Variants in EYS observed in about 807,000 individuals in gnomAD.
EYS encodes the protein EGF-like photoreceptor maintenance factor.
A neutral mutation model predicts 282.1 loss-of-function variants in EYS; 250 were observed. The observed-to-expected ratio is 0.89, with a 90% CI of 0.80 to 0.98. EYS has a LOEUF of 0.98. Among genes scored for constraint, EYS ranks in the 50% least tolerant of loss-of-function variants. The pLI, the probability that EYS is intolerant of heterozygous loss-of-function variation, is 0.00. For synonymous variants in EYS, 1,355 were observed against 1,282.9 expected (o/e 1.06, Z -1.20); for missense variants, 4,016 against 3,709.0 (o/e 1.08, Z -2.15).
chr6:65,065,026 A>C (rs1773702335), intron 12 of EYS, among the ~76,000 whole-genome samples: 1 of 152,108 alleles, frequency 6.6e-6, no homozygotes. Context: ...GGCTGACTTG[A>C]GATCTGATTC....
intron 5 of EYS, among the ~76,000 whole-genome samples, chr6:65,420,458 C>T (rs1767413078): frequency 6.6e-6 from 1 of 151,948 alleles, no homozygotes; most frequent in Non-Finnish European, 1.5e-5. Flanking sequence ...AGTGTTCTTG[C>T]TATTTCCACT....
At chr6:63,869,636 T>C (rs1435888225) in intron 35 of EYS, among the ~76,000 whole-genome samples, 1 of 152,148 alleles carries the variant, frequency 6.6e-6, no homozygotes, top group African/African-American at 2.4e-5. Flanking sequence ...ATACATTAAA[T>C]GAGGTATGTG....
chr6:63,945,421 G>T (rs968070897), intron 35 of EYS, among the ~76,000 whole-genome samples: 12 of 152,090 alleles, frequency 7.9e-5, no homozygotes, highest in Admixed American at 2.6e-4. Context: ...CATTCAAGAT[G>T]AGAATTGGGT....
intron 30 of EYS, among the ~76,000 whole-genome samples, chr6:64,255,518 C>A (rs948934141): frequency 5.3e-5 from 8 of 151,944 alleles, no homozygotes; most frequent in Non-Finnish European, 8.8e-5. Flanking sequence ...TTATTTTTGA[C>A]AAACTGTGCC....
chr6:65,469,870 C>T (rs1765144722), intron 5 of EYS, among the ~76,000 whole-genome samples: 1 of 152,090 alleles, frequency 6.6e-6, no homozygotes, highest in South Asian at 2.1e-4. Context: ...AAGTCCCTAG[C>T]TTTAGCCTAA....
intron 2 of EYS, among the ~76,000 whole-genome samples, chr6:65,586,409 A>C (rs577726437): frequency 6.6e-6 from 1 of 152,082 alleles, no homozygotes; most frequent in Non-Finnish European, 1.5e-5. Context: ...AGGGGCAACT[A>C]TTGAGATGCT....
chr6:64,606,401 C>T (rs1320549569), intron 24 of EYS, among the ~76,000 whole-genome samples: 1 of 151,872 alleles, frequency 6.6e-6, no homozygotes, highest in East Asian at 1.9e-4. Context: ...TTTATTTTGC[C>T]ATCCATAGCA....
At chr6:65,338,445 A>C (rs1286103253) in intron 10 of EYS, among the ~76,000 whole-genome samples, 1 of 151,186 alleles carries the variant, frequency 6.6e-6, no homozygotes, top group Non-Finnish European at 1.5e-5. Flanking sequence ...TAAAAATTTT[A>C]TACAAAAAAT....
chr6:63,773,785 A>G (rs1769992818), intron 40 of EYS, among the ~76,000 whole-genome samples: 1 of 152,168 alleles, frequency 6.6e-6, no homozygotes, highest in Admixed American at 6.5e-5. Context: ...AAAAGAAGAC[A>G]GTCTGAGCAA....
intron 22 of EYS, among the ~76,000 whole-genome samples, chr6:64,764,399 T>A (rs1404844006): frequency 6.6e-6 from 1 of 152,236 alleles, no homozygotes; most frequent in African/African-American, 2.4e-5. Flanking sequence ...CTGAGATGTA[T>A]GTTGGCCCTT....
chr6:64,187,431 T>C (rs1016400478), intron 31 of EYS, among the ~76,000 whole-genome samples: 1 of 152,132 alleles, frequency 6.6e-6, no homozygotes, highest in Non-Finnish European at 1.5e-5. Flanking sequence ...ACTGGTGAGA[T>C]TTAACGTATT....
chr6:65,179,773 A>G (rs1264811150), intron 12 of EYS, among the ~76,000 whole-genome samples: 1 of 152,068 alleles, frequency 6.6e-6, no homozygotes, highest in African/African-American at 2.4e-5. Flanking sequence ...TTTTAGACCA[A>G]TATCCTTGAT....
intron 19 of EYS, among the ~76,000 whole-genome samples, chr6:64,826,423 T>G (rs542776666): frequency 9.9e-4 from 151 of 151,948 alleles, no homozygotes; most frequent in Non-Finnish European, 1.9e-3. Flanking sequence ...CAATTCCTTT[T>G]TTAAGCAGAT....
At chr6:63,923,767 C>T (rs1021200471) in intron 35 of EYS, among the ~76,000 whole-genome samples, 6 of 152,080 alleles carry the variant, frequency 3.9e-5, no homozygotes, top group Non-Finnish European at 8.8e-5. Flanking sequence ...TCTATTGATG[C>T]CATCTTTATG....
rs549752336 is a variant in EYS at position 63,912,828 on chromosome 6, T to A, written c.7056-48470A>T. ...TACTCCCCCTTTGCCTTCCACCATG[T>A]TTGGAAGCTTCCTGAGGCCTCCCCA... On this transcript the variant is annotated intron_variant, in intron 35 of 42. Transcript: ENST00000503581. Among the ~76,000 whole-genome samples the A allele has an allele frequency of 2.5e-3, 369 of 145,894 alleles. 2 individuals are homozygous for A. The highest frequency in any genetic ancestry group is 4.2e-3 in the Non-Finnish European group (278 of 66,904).
At chr6:63,857,214 A>C (rs1217670558) in intron 36 of EYS, among the ~76,000 whole-genome samples, 1 of 152,174 alleles carries the variant, frequency 6.6e-6, no homozygotes, top group East Asian at 1.9e-4. Context: ...CATCTCATGG[A>C]CATTCTAGAC....
At chr6:65,532,785 C>A (rs1407694585) in intron 2 of EYS, among the ~76,000 whole-genome samples, 1 of 151,836 alleles carries the variant, frequency 6.6e-6, no homozygotes, top group Middle Eastern at 3.2e-3. Context: ...ACATTACCAA[C>A]AGAAAAAAAA....
At chr6:64,128,313 T>A (rs1773853000) in intron 31 of EYS, among the ~76,000 whole-genome samples, 2 of 152,098 alleles carry the variant, frequency 1.3e-5, no homozygotes, top group African/African-American at 4.8e-5. Context: ...GCTGTGAATA[T>A]TTAGCCCTAA....
At chr6:65,596,924 G>C (rs1765428959) in intron 2 of EYS, among the ~76,000 whole-genome samples, 1 of 151,982 alleles carries the variant, frequency 6.6e-6, no homozygotes, top group Admixed American at 6.6e-5. Flanking sequence ...TTAGGGAAAT[G>C]ATAGTCCTTC....
Sources: gnomAD v4.1 joint callset for allele counts (sites outside exome capture counted in the v4.1 genomes callset) on GRCh38, gnomAD v4.1.1 for gene constraint, MANE v1.5 for transcripts, NCBI Gene and HGNC (gene_info 2026-07-23, HGNC 2026-07-21) for gene names.